SLC4A10: variants seen among roughly 807,000 people sequenced by gnomAD.
SLC4A10 encodes the protein sodium-driven chloride bicarbonate exchanger.
In SLC4A10, 42 loss-of-function variants were observed where a neutral mutation model predicts 137.7. The ratio of observed to expected loss-of-function variants is 0.30; its 90% CI spans 0.24 to 0.39. The LOEUF (loss-of-function observed/expected upper bound fraction) is 0.39, where lower values mean the gene tolerates loss of function less well. SLC4A10 is among the 10% of genes least tolerant of loss of function. SLC4A10 has a pLI of 1.00. For missense variants in SLC4A10, 925 were observed against 1,355.0 expected, an observed-to-expected ratio of 0.68 and a Z score of 4.98; for synonymous variants, 474 against 464.1, an observed-to-expected ratio of 1.02 and a Z score of -0.27.
intron 3 of SLC4A10, among the ~76,000 whole-genome samples, chr2:161,811,109 T>C (rs1314288995): frequency 6.6e-6 from 1 of 152,060 alleles, no homozygotes; most frequent in Non-Finnish European, 1.5e-5. Flanking sequence ...TGGTTTTGTG[T>C]TTCTGAGAAC....
chr2:161,912,937 C>A (rs1470825731), intron 15 of SLC4A10, among the ~76,000 whole-genome samples: 2 of 149,756 alleles, frequency 1.3e-5, no homozygotes, highest in Admixed American at 6.7e-5. Flanking sequence ...TATTTTTGTG[C>A]CTGATGTCGC....
At chr2:161,974,517 ATGAAG>A (rs1258947188) in intron 24 of SLC4A10, among the ~76,000 whole-genome samples, 3 of 152,196 alleles carry the variant, frequency 2.0e-5, no homozygotes, top group African/African-American at 7.2e-5. Context: ...ATTGCATTAA[ATGAAG>A]TGAAGCAGGA....
Position 161,970,663 on chromosome 2 carries a change from T to C in SLC4A10, c.3160-3586T>C, listed in dbSNP as rs577830691. On this transcript the variant is annotated intron_variant, in intron 23 of 26. Coordinates refer to ENST00000446997, the MANE Select transcript of SLC4A10 (RefSeq NM_001178015.2). ...TTTAAGATATTTGAGGGCTCCTACA[T>C]AGATACACACTTTGCCTGAAAATGG... is the stretch of plus-strand genomic sequence containing the variant. Among the ~76,000 whole-genome samples, 11 of 152,332 alleles carry C rather than the reference T, an allele frequency of 7.2e-5. No homozygotes were observed. In the East Asian group the frequency reaches 2.1e-3, roughly 29 times the overall value.
At chr2:161,711,595 C>T (rs775468049) in intron 1 of SLC4A10, among the ~76,000 whole-genome samples, 16 of 151,744 alleles carry the variant, frequency 1.1e-4, no homozygotes, top group Non-Finnish European at 1.8e-4. Context: ...AGATGCAAAG[C>T]CCTTGTTTCC....
chr2:161,640,594 T>A (rs977096430), intron 1 of SLC4A10, among the ~76,000 whole-genome samples: 1 of 94,132 alleles, frequency 1.1e-5, no homozygotes, highest in South Asian at 4.3e-4. Context: ...TTCTCTTTCT[T>A]TCCTTCCTTC....
At position 161,665,011 on chromosome 2, in the gene SLC4A10, G is replaced by A. The variant is rs1008561244; in HGVS notation, c.48+40445G>A. Among the ~76,000 whole-genome samples the A allele has an allele frequency of 6.6e-5, 10 of 151,768 alleles. No individual in the cohort carries two copies. The East Asian group carries it at 7.7e-4, about 12-fold the overall frequency. ...TGAAACATATTTATAGAAAAATCTT[G>A]TACAACATTTAGTATACAAGTTAGT... On this transcript the variant is annotated intron_variant, in intron 1 of 26. Transcript: ENST00000446997.
At chr2:161,951,031 T>A (rs1694709906) in intron 19 of SLC4A10, among the ~76,000 whole-genome samples, 183 bp downstream of exon 19, 1 of 152,170 alleles carries the variant, frequency 6.6e-6, no homozygotes, top group Non-Finnish European at 1.5e-5. Context: ...ATTTACTTAT[T>A]TGTAGCACTT....
intron 1 of SLC4A10, chr2:161,710,842 G>T (rs1273688269): frequency 6.5e-6 from 2 of 305,410 alleles, no homozygotes; most frequent in Non-Finnish European, 1.3e-5. Flanking sequence ...TGTATTTGGT[G>T]TTATGAGGAA....
At chr2:161,907,482 C>A (rs559482672) in intron 15 of SLC4A10, among the ~76,000 whole-genome samples, 5 of 152,166 alleles carry the variant, frequency 3.3e-5, no homozygotes, top group Non-Finnish European at 7.3e-5. Flanking sequence ...GCTAGGAAAA[C>A]CATGGTGAAT....
chr2:161,939,461 C>T (rs1008765665), intron 15 of SLC4A10, among the ~76,000 whole-genome samples: 2 of 152,178 alleles, frequency 1.3e-5, no homozygotes, highest in East Asian at 3.8e-4. Flanking sequence ...ATCTTAAGTT[C>T]CATCATCCCT....
At chr2:161,868,334 G>C (rs1057406490) in intron 6 of SLC4A10, among the ~76,000 whole-genome samples, 5 of 151,662 alleles carry the variant, frequency 3.3e-5, no homozygotes, top group African/African-American at 1.2e-4. Flanking sequence ...GAAACTGTAT[G>C]ATAAAGAAAA....
chr2:161,886,175 A>G (rs1025615329), intron 10 of SLC4A10, among the ~76,000 whole-genome samples: 4 of 152,162 alleles, frequency 2.6e-5, no homozygotes, highest in Non-Finnish European at 4.4e-5. Flanking sequence ...AAACAAAAAC[A>G]AACAAAATAC....
At position 161,818,171 on chromosome 2, in the gene SLC4A10, A is replaced by G. The variant is rs567644737; in HGVS notation, c.277+13576A>G. Among the ~76,000 whole-genome samples the G allele has an allele frequency of 5.7e-4, 87 of 152,178 alleles. 1 individual carries two copies. The Middle Eastern group carries it at 0.014, about 24-fold the overall frequency. The stretch of plus-strand genomic sequence containing the variant: ...TTTATTTCATTGAGCAGTGGTTTGT[A>G]GTTCTCCTTGACGAGGTCCTTCGCA... On this transcript the variant is annotated intron_variant, in intron 3 of 26. Coordinates refer to ENST00000446997, the MANE Select transcript of SLC4A10 (RefSeq NM_001178015.2).
At chr2:161,659,853 G>C (rs56039028) in intron 1 of SLC4A10, among the ~76,000 whole-genome samples, 1 of 151,960 alleles carries the variant, frequency 6.6e-6, no homozygotes, top group African/African-American at 2.4e-5. Flanking sequence ...TATATGCTAC[G>C]ATATGAATGA....
chr2:161,708,807 C>CT, intron 1 of SLC4A10: 1 of 1,532,384 alleles, frequency 6.5e-7, no homozygotes, highest in Middle Eastern at 1.7e-4. Context: ...ACCTGTGAGC[C>CT]TTTTCAATCT....
intron 24 of SLC4A10, among the ~76,000 whole-genome samples, chr2:161,975,824 C>T (rs1699298419): frequency 6.6e-6 from 1 of 152,228 alleles, no homozygotes; most frequent in African/African-American, 2.4e-5. Context: ...CAGGCAGCAC[C>T]ATGCCCATTG....
intron 15 of SLC4A10, among the ~76,000 whole-genome samples, chr2:161,909,252 TA>T (rs990804960): frequency 9.3e-5 from 14 of 150,916 alleles, no homozygotes; most frequent in East Asian, 5.8e-4. Flanking sequence ...ATTAAATATA[TA>T]AAAAAAAAGA....
chr2:161,879,727 A>G (rs2061648360), intron 9 of SLC4A10, among the ~76,000 whole-genome samples: 1 of 152,078 alleles, frequency 6.6e-6, no homozygotes, highest in African/African-American at 2.4e-5. Context: ...GGCCTTCAAA[A>G]TGCATGTAAG....
chr2:161,767,447 A>G (rs1350942113), intron 1 of SLC4A10, among the ~76,000 whole-genome samples: 71 of 151,666 alleles, frequency 4.7e-4, no homozygotes. Flanking sequence ...TTACCAGTTC[A>G]GTATCTAACT....
Sources: gnomAD v4.1 joint callset for allele counts (sites outside exome capture counted in the v4.1 genomes callset) on GRCh38, gnomAD v4.1.1 for gene constraint, MANE v1.5 for transcripts, NCBI Gene and HGNC (gene_info 2026-07-23, HGNC 2026-07-21) for gene names.